Variants in ARSH observed in about 807,000 individuals in gnomAD.
The protein encoded by ARSH is arylsulfatase H.
Under a neutral mutation model 28.7 loss-of-function variants are expected in ARSH, and 32 were observed. The ratio of observed to expected loss-of-function variants is 1.11; its 90% CI spans 0.84 to 1.50. ARSH has a LOEUF of 1.50. ARSH is among the 40% of genes most tolerant of loss of function. The probability of loss-of-function intolerance (pLI) is 0.00; values close to 1 mark genes in which losing one functional copy is unlikely to be tolerated. For synonymous variants in ARSH, 176 were observed against 177.3 expected, an observed-to-expected ratio of 0.99 and a Z score of 0.06; for missense variants, 440 against 452.4, an observed-to-expected ratio of 0.97 and a Z score of 0.25.
chrX:3,009,926 C>T, intron 1 of ARSH, 104 bp from the exon 2 acceptor site: 1 of 975,551 alleles, frequency 1.0e-6, no homozygotes, highest in East Asian at 3.1e-5. Context: ...TTAGGTTTAC[C>T]AGAAATAGAG....
Position 3,024,077 on chromosome X carries a change from T to C in ARSH, c.958T>C (p.Phe320Leu). 1 of 1,208,906 alleles carries C rather than the reference T, an allele frequency of 8.3e-7. No individual in the cohort carries two copies. Among genetic ancestry groups the C allele is most frequent in the Non-Finnish European group, 1.1e-6 (1 of 894,355 alleles). ...CCTGGCCAACCACACCTTGGTGTAC[T>C]TCACCTCTGACAACGGGGGCCACCT... ...ERLANHTLVY[F>L]TSDNGGHLEP... Residue 320 changes from phenylalanine (F) to leucine (L), a missense_variant, in exon 6 of 9, where the codon TTC becomes CTC. By Grantham distance (22) the Phe-to-Leu change is conservative. Transcript: ENST00000381130.
intron 3 of ARSH, 118 bp from the exon 4 acceptor site, chrX:3,014,852 A>G (rs993348102): frequency 4.1e-6 from 3 of 732,538 alleles, no homozygotes; most frequent in East Asian, 3.5e-5. Context: ...AGAAAAAACC[A>G]TGATGACAAC....
intron 4 of ARSH, among the ~76,000 whole-genome samples, chrX:3,016,293 G>A (rs1310849083): frequency 9.0e-6 from 1 of 110,769 alleles, no homozygotes; most frequent in African/African-American, 3.3e-5. Flanking sequence ...GATACACTAC[G>A]CCTGGCCACT....
At position 3,033,703 on chromosome X, in the gene ARSH, G is replaced by A; in HGVS notation, c.*318G>A. 6.7e-6 allele frequency: 1 copy of A among 148,982 alleles called. No homozygotes were observed. Among genetic ancestry groups the A allele is most frequent in the Non-Finnish European group, 1.3e-5 (1 of 75,540 alleles). The allele number at this position is 148,982 out of a possible 1,213,427, so 12.3% of individuals were successfully genotyped here. A position where few individuals can be genotyped will look rare whatever the true frequency, so the allele number is the denominator to read the frequency against. On this transcript the variant is annotated 3_prime_UTR_variant, in exon 9 of 9. Coordinates refer to ENST00000381130, the MANE Select transcript of ARSH (RefSeq NM_001011719.2). Reference sequence around the variant, plus strand: ...TTCCTAGAATTCATGGAAGCATCAGGTCCAATGTCATAAGTTAGAAACTTC... The same window carrying A: ...TTCCTAGAATTCATGGAAGCATCAGATCCAATGTCATAAGTTAGAAACTTC...
At chrX:3,031,085 A>G (rs1283116990) in intron 8 of ARSH, among the ~76,000 whole-genome samples, 3 of 110,158 alleles carry the variant, frequency 2.7e-5, no homozygotes, top group Non-Finnish European at 5.7e-5. Context: ...GTTGGCAATG[A>G]TCGTGCCACT....
At position 3,018,652 on chromosome X, in the gene ARSH, G is replaced by T; in HGVS notation, c.883G>T (p.Glu295Ter). The T allele has an allele frequency of 2.5e-6, 3 of 1,210,696 alleles. No individual in the cohort carries two copies. The highest frequency in any genetic ancestry group is 4.4e-5 in the Admixed American group (2 of 45,910). The change falls in exon 5 of 9, where the codon GAA becomes TAA. Residue 295 changes from glutamate (E) to a stop codon, truncating the protein, a stop_gained. Transcript: ENST00000381130. LOFTEE classifies it high-confidence loss of function. ...TGGCAGGTATGGGGACAATGTAGAA[G>T]AAATGGATTGGATGGTGGGTAAGTA... ...KYGRYGDNVE[E>*]MDWMVGKILD...
At chrX:3,031,449 A>G (rs2089913575) in intron 8 of ARSH, among the ~76,000 whole-genome samples, 1 of 111,700 alleles carries the variant, frequency 9.0e-6, no homozygotes, top group Non-Finnish European at 1.9e-5. Flanking sequence ...AACAAATAGC[A>G]TCGTTTGCCT....
At chrX:3,009,960 G>A (rs112109729) in intron 1 of ARSH, 70 bp from the exon 2 acceptor site, 1 of 1,157,952 alleles carries the variant, frequency 8.6e-7, no homozygotes, top group African/African-American at 1.8e-5. Flanking sequence ...AAATAGAATA[G>A]CTTTGATCCT....
At chrX:3,029,009 C>T (rs773635505) in intron 7 of ARSH, among the ~76,000 whole-genome samples, 115 of 105,213 alleles carry the variant, frequency 1.1e-3, no homozygotes, top group East Asian at 8.9e-4. Flanking sequence ...ACCCGGGAGG[C>T]GGAGGTTGCA....
intron 8 of ARSH, among the ~76,000 whole-genome samples, chrX:3,030,044 A>G (rs1159474859): frequency 9.0e-6 from 1 of 111,167 alleles, no homozygotes; most frequent in African/African-American, 3.3e-5. Flanking sequence ...TAACTTAGGG[A>G]GGTGAGTGCT....
At chrX:3,013,228 G>C in intron 3 of ARSH, 56 bp downstream of exon 3, 1 of 1,145,686 alleles carries the variant, frequency 8.7e-7, no homozygotes, top group Non-Finnish European at 1.2e-6. Context: ...CTCTGTCATC[G>C]TGTCTAAGGT....
intron 3 of ARSH, 141 bp downstream of exon 3, chrX:3,013,313 A>G: frequency 1.5e-6 from 1 of 676,960 alleles, no homozygotes; most frequent in South Asian, 3.2e-5. Context: ...GGAGAAGGAA[A>G]TGATCACACA....
At chrX:3,025,464 A>G (rs963788976) in intron 6 of ARSH, among the ~76,000 whole-genome samples, 1 of 106,479 alleles carries the variant, frequency 9.4e-6, no homozygotes, top group Non-Finnish European at 1.9e-5. Context: ...AGAATTCTAT[A>G]TATTCACTGT....
rs573537755 is a variant in ARSH, at chrX:3,015,403, C to T, written c.764+10C>T. 3.6e-4 allele frequency: 428 copies of T among 1,193,632 alleles called. 2 individuals are homozygous for T. The South Asian group carries it at 7.2e-3, about 20-fold the overall frequency. ...TTGCTTTCATTGAAAGGTATTTAGC[C>T]ATTTCTTGCCTGATTTCCTGCATGG... On this transcript the variant is annotated intron_variant, in intron 4 of 8. Coordinates refer to ENST00000381130, the MANE Select transcript of ARSH (RefSeq NM_001011719.2).
chrX:3,029,814 A>G (rs1449343478), intron 8 of ARSH, among the ~76,000 whole-genome samples: 1 of 111,907 alleles, frequency 8.9e-6, no homozygotes, highest in Non-Finnish European at 1.9e-5. Context: ...TACAGGCGTG[A>G]GCCACCGTGC....
chrX:3,024,225 T>C, intron 6 of ARSH, 70 bp downstream of exon 6: 1 of 977,482 alleles, frequency 1.0e-6, no homozygotes, highest in Non-Finnish European at 1.4e-6. Flanking sequence ...TGTGTTTGCT[T>C]GAATTCATTT....
chrX:3,007,244 GT>G (rs1256634004), intron 1 of ARSH, among the ~76,000 whole-genome samples: 1 of 32,626 alleles, frequency 3.1e-5, no homozygotes, highest in African/African-American at 1.5e-4. Context: ...GGGAGACTCT[GT>G]TTAAAAAAAA....
At chrX:3,019,264 CAAAAA>C (rs146298584) in intron 5 of ARSH, among the ~76,000 whole-genome samples, 3 of 69,635 alleles carry the variant, frequency 4.3e-5, no homozygotes, top group Non-Finnish European at 5.4e-5. Flanking sequence ...GATTCTGTTT[CAAAAA>C]AAAAAAAAAA....
intron 8 of ARSH, among the ~76,000 whole-genome samples, chrX:3,029,693 G>T (rs1464734428): frequency 9.1e-6 from 1 of 109,869 alleles, no homozygotes; most frequent in African/African-American, 3.3e-5. Context: ...ACCATGACTA[G>T]TTAATTTTTG....
Sources: allele counts gnomAD v4.1 joint callset (sites outside exome capture counted in the v4.1 genomes callset), GRCh38; gene constraint gnomAD v4.1.1; transcripts MANE v1.5; gene names NCBI Gene and HGNC (gene_info 2026-07-23, HGNC 2026-07-21).